NCOA2: variants seen among roughly 807,000 people sequenced by gnomAD.
NCOA2 encodes the protein nuclear receptor coactivator 2.
Under a neutral mutation model 145.1 loss-of-function variants are expected in NCOA2, and 21 were observed. The observed-to-expected ratio is 0.14, with a 90% confidence interval of 0.10 to 0.21. NCOA2 has a LOEUF of 0.21. Ranked by LOEUF, NCOA2 falls within the 10% of genes least tolerant of loss-of-function variation. The pLI is 1.00. For missense variants in NCOA2, 1,472 were observed against 1,837.6 expected (o/e 0.80, Z 3.64); for synonymous variants, 619 against 637.5 (o/e 0.97, Z 0.44).
the NCOA2 span, among the ~76,000 whole-genome samples, chr8:70,416,200 T>G: frequency 7.9e-5 from 12 of 151,246 alleles, no homozygotes; most frequent in South Asian, 1.0e-3. Context: ...TTTTTGTTTT[T>G]TTTTTTTTTC....
At chr8:70,259,427 C>T (rs1823925093) in intron 2 of NCOA2, among the ~76,000 whole-genome samples, 1 of 152,022 alleles carries the variant, frequency 6.6e-6, no homozygotes, top group Admixed American at 6.6e-5. Context: ...CTTCGTATTC[C>T]CTACAGGACT....
chr8:70,221,435 T>C (rs1820126210), intron 2 of NCOA2, among the ~76,000 whole-genome samples: 1 of 152,136 alleles, frequency 6.6e-6, no homozygotes, highest in Admixed American at 6.5e-5. Context: ...GCGATCCCTT[T>C]ATAAGGATAA....
At chr8:70,452,141 ATT>A in the NCOA2 span, among the ~76,000 whole-genome samples, 1 of 151,976 alleles carries the variant, frequency 6.6e-6, no homozygotes, top group Non-Finnish European at 1.5e-5. Flanking sequence ...TTCCAGGCTA[ATT>A]TTTTGTAATT....
chr8:70,188,888 T>C (rs976829339), intron 4 of NCOA2, among the ~76,000 whole-genome samples: 3 of 152,212 alleles, frequency 2.0e-5, no homozygotes, highest in African/African-American at 7.2e-5. Flanking sequence ...TTCTTACTAA[T>C]AAATTTTAAA....
Position 70,128,769 on chromosome 8 carries a change from G to A in NCOA2, c.3536C>T (p.Thr1179Met), listed in dbSNP as rs775589850. 10 of 1,613,866 alleles carry A rather than the reference G, an allele frequency of 6.2e-6. No homozygotes were observed. Among genetic ancestry groups the A allele is most frequent in the Admixed American group, 3.3e-5 (2 of 60,004 alleles). The change falls in exon 17 of 23, where the codon ACG becomes ATG. Residue 1179 changes from threonine to methionine, a missense_variant. Coordinates refer to ENST00000452400, the MANE Select transcript of NCOA2 (RefSeq NM_006540.4). ...RMQPRPGLRP[T>M]GLVQNQPNQL... is the part of the protein sequence containing the mutation. ...ATTTGGCTGGTTCTGCACTAGGCCC[G>A]TGGGCCTGAGGCCCGGTCTGGGCTG...
intron 4 of NCOA2, among the ~76,000 whole-genome samples, chr8:70,208,852 T>C (rs570621413): frequency 2.0e-4 from 30 of 152,324 alleles, no homozygotes; most frequent in African/African-American, 7.0e-4. Context: ...CCAAGAGCTG[T>C]GATGAAGATG....
intron 1 of NCOA2, among the ~76,000 whole-genome samples, chr8:70,309,599 T>C (rs983436882): frequency 1.3e-5 from 2 of 152,200 alleles, no homozygotes; most frequent in African/African-American, 4.8e-5. Context: ...GAAAACATTA[T>C]GTATCATAGT....
intron 2 of NCOA2, among the ~76,000 whole-genome samples, chr8:70,276,763 G>A (rs985044975): frequency 3.3e-5 from 5 of 152,058 alleles, no homozygotes; most frequent in South Asian, 4.1e-4. Context: ...ACCCAGTCTC[G>A]GGTATTTCTT....
At chr8:70,389,057 A>AT (rs1228185284) in intron 1 of NCOA2, among the ~76,000 whole-genome samples, 30 of 152,110 alleles carry the variant, frequency 2.0e-4, no homozygotes, top group African/African-American at 6.0e-4. Flanking sequence ...AAGAGATCTC[A>AT]TTTTCTGGGG....
At chr8:70,182,818 A>C (rs1815640218) in intron 4 of NCOA2, among the ~76,000 whole-genome samples, 1 of 152,204 alleles carries the variant, frequency 6.6e-6, no homozygotes, top group Non-Finnish European at 1.5e-5. Context: ...TAGGAGCTTA[A>C]ATTTAAAGAT....
intron 1 of NCOA2, among the ~76,000 whole-genome samples, chr8:70,298,555 G>A (rs1004046847): frequency 1.3e-5 from 2 of 152,124 alleles, no homozygotes; most frequent in Non-Finnish European, 2.9e-5. Flanking sequence ...TGGGATAAAT[G>A]TATTCATTAT....
Position 70,377,201 on chromosome 8 carries a change from TCTA to T in NCOA2, c.-77+26496_-77+26498del, listed in dbSNP as rs142483171. 5.9e-3 allele frequency among the ~76,000 whole-genome samples: 897 copies of T among 152,116 alleles called. 7 individuals carry two copies. The highest frequency in any genetic ancestry group is 0.02 in the African/African-American group (836 of 41,504). On this transcript the variant is annotated intron_variant, in intron 1 of 22. Transcript: ENST00000452400. ...AAATGAAAAAAATGAATGAAATATCTCTACTAATTCTTATATCATGGATCATAT... is the reference window on the plus strand; with the variant it reads ...AAATGAAAAAAATGAATGAAATATCTCTAATTCTTATATCATGGATCATAT...
At chr8:70,407,601 A>G (rs186794199), upstream of NCOA2, among the ~76,000 whole-genome samples, 1 of 151,990 alleles carries the variant, frequency 6.6e-6, no homozygotes, top group African/African-American at 2.4e-5. Flanking sequence ...ATCCTGGCCA[A>G]CATGGTGAAA....
At chr8:70,386,789 G>A (rs949011620) in intron 1 of NCOA2, among the ~76,000 whole-genome samples, 7 of 152,184 alleles carry the variant, frequency 4.6e-5, no homozygotes, top group Non-Finnish European at 1.0e-4. Context: ...AGCAACTCAA[G>A]TGTTATTATC....
intron 1 of NCOA2, among the ~76,000 whole-genome samples, chr8:70,403,106 C>G (rs1814513092): frequency 6.6e-6 from 1 of 150,666 alleles, no homozygotes; most frequent in African/African-American, 2.4e-5. Context: ...ACCCCCAGCA[C>G]TTCCCGAGTC....
chr8:70,450,046 G>T, the NCOA2 span, among the ~76,000 whole-genome samples: 1 of 152,122 alleles, frequency 6.6e-6, no homozygotes, highest in Non-Finnish European at 1.5e-5. Context: ...GCTCTAATGG[G>T]GTGATAACGT....
intron 1 of NCOA2, among the ~76,000 whole-genome samples, chr8:70,356,938 G>A (rs186667861): frequency 6.6e-6 from 1 of 152,226 alleles, no homozygotes; most frequent in Admixed American, 6.5e-5. Flanking sequence ...TGCATTTCAT[G>A]TCTCATAGTC....
intron 4 of NCOA2, among the ~76,000 whole-genome samples, chr8:70,183,618 A>G (rs1353061760): frequency 2.0e-5 from 3 of 152,164 alleles, no homozygotes; most frequent in Non-Finnish European, 4.4e-5. Context: ...CAAGATTTTG[A>G]GCATTCTCTC....
chr8:70,323,395 G>T (rs1806259398), intron 1 of NCOA2, among the ~76,000 whole-genome samples: 1 of 152,132 alleles, frequency 6.6e-6, no homozygotes, highest in Non-Finnish European at 1.5e-5. Context: ...ATTACAATTT[G>T]GATGTTGAAT....
Sources: allele counts gnomAD v4.1 joint callset (sites outside exome capture counted in the v4.1 genomes callset), GRCh38; gene constraint gnomAD v4.1.1; transcripts MANE v1.5; gene names NCBI Gene and HGNC (gene_info 2026-07-23, HGNC 2026-07-21).